Variants in PSMD9 observed in about 807,000 individuals in gnomAD.
The protein encoded by PSMD9 is proteasome 26S subunit, non-ATPase 9, also known as 26S proteasome non-ATPase regulatory subunit 9.
PSMD9 carries 26 observed loss-of-function variants against 25.9 expected under a neutral mutation model. That is an observed-to-expected ratio of 1.00 (90% CI 0.73 to 1.39). The LOEUF (loss-of-function observed/expected upper bound fraction) is 1.39. Ranked by LOEUF, PSMD9 falls within the 40% of genes most tolerant of loss-of-function variation. The pLI, the probability that PSMD9 is intolerant of heterozygous loss-of-function variation, is 0.00. For missense variants in PSMD9, 303 were observed against 299.3 expected (o/e 1.01, Z -0.09); for synonymous variants, 110 against 114.5 (o/e 0.96, Z 0.25).
chr12:121,888,806 T>C lies in PSMD9; in HGVS notation c.-51T>C, dbSNP rs759380363. On this transcript the variant is annotated 5_prime_UTR_variant, in exon 1 of 6. Transcript: ENST00000541212. ...GCCGTAGTTACGGTCGACTGGGGCGTCGTCCCTAGCCCGGGAGCCGGGTCT... is the reference window on the plus strand; with the variant it reads ...GCCGTAGTTACGGTCGACTGGGGCGCCGTCCCTAGCCCGGGAGCCGGGTCT... 1.1e-5 allele frequency: 17 copies of C among 1,567,420 alleles called. No individual in the cohort carries two copies. The highest frequency in any genetic ancestry group is 2.7e-5 in the African/African-American group (2 of 73,964).
intron 4 of PSMD9, among the ~76,000 whole-genome samples, chr12:121,906,961 G>C (rs1345136874): frequency 1.1e-5 from 1 of 87,842 alleles, no homozygotes; most frequent in Non-Finnish European, 2.7e-5. Context: ...GTGAGGCTCT[G>C]TGTCAAAAAA....
At chr12:121,908,199 C>T (rs1412668069) in intron 4 of PSMD9, 2 of 149,788 alleles carry the variant, frequency 1.3e-5, no homozygotes, top group Non-Finnish European at 3.0e-5. Context: ...TTTTTTGAGA[C>T]AGAGTTGTCG....
At chr12:121,893,871 CTA>C (rs1879156941) in intron 1 of PSMD9, 1 of 152,432 alleles carries the variant, frequency 6.6e-6, no homozygotes, top group African/African-American at 2.4e-5. Context: ...CTTCAACCCA[CTA>C]TGCTGTGTAT....
At chr12:121,890,812 A>T (rs1156594295) in intron 1 of PSMD9, among the ~76,000 whole-genome samples, 1 of 152,156 alleles carries the variant, frequency 6.6e-6, no homozygotes, top group East Asian at 1.9e-4. Context: ...ACTCCGCTGC[A>T]TATGGAAAAT....
At chr12:121,911,543 C>T (rs1369493862) in intron 4 of PSMD9, among the ~76,000 whole-genome samples, 3 of 152,126 alleles carry the variant, frequency 2.0e-5, no homozygotes, top group Non-Finnish European at 4.4e-5. Flanking sequence ...GTAGCAATAT[C>T]TGTTCAAATC....
chr12:121,890,875 A>G (rs1273807026), intron 1 of PSMD9, among the ~76,000 whole-genome samples: 1 of 151,934 alleles, frequency 6.6e-6, no homozygotes, highest in African/African-American at 2.4e-5. Context: ...TTGATACGGC[A>G]TGTTGGTTGC....
chr12:121,903,247 T>C, intron 4 of PSMD9, 140 bp downstream of exon 4: 4 of 746,660 alleles, frequency 5.4e-6, no homozygotes, highest in Admixed American at 2.4e-5. Flanking sequence ...ACCAGCCAAT[T>C]TGGTGTCTGG....
chr12:121,895,238 C>T (rs1226600190), intron 2 of PSMD9, among the ~76,000 whole-genome samples: 2 of 152,094 alleles, frequency 1.3e-5, no homozygotes, highest in East Asian at 3.9e-4. Flanking sequence ...ACGAGTCTCA[C>T]TAAGTGGCCC....
At chr12:121,900,388 TC>T (rs1401307275) in intron 3 of PSMD9, among the ~76,000 whole-genome samples, 1 of 152,056 alleles carries the variant, frequency 6.6e-6, no homozygotes, top group African/African-American at 2.4e-5. Context: ...TGAGACCTTG[TC>T]TTAAAAAAAA....
chr12:121,912,335 G>T (rs1404467448), intron 4 of PSMD9, among the ~76,000 whole-genome samples: 1 of 152,024 alleles, frequency 6.6e-6, no homozygotes, highest in Non-Finnish European at 1.5e-5. Flanking sequence ...CCGGCGCTTT[G>T]TTTAGGTTTT....
chr12:121,896,819 A>G (rs1879242598), intron 2 of PSMD9, among the ~76,000 whole-genome samples: 1 of 149,594 alleles, frequency 6.7e-6, no homozygotes, highest in Admixed American at 6.7e-5. Flanking sequence ...CTGGGCAACA[A>G]GAGTGAAACT....
At chr12:121,903,223 T>C (rs1374570602) in intron 4 of PSMD9, 116 bp downstream of exon 4, 1 of 944,718 alleles carries the variant, frequency 1.1e-6, no homozygotes, top group East Asian at 2.7e-5. Context: ...GGCAGGGAAG[T>C]CCAAGATCCA....
chr12:121,889,138 G>A, intron 1 of PSMD9, 144 bp downstream of exon 1: 1 of 1,002,030 alleles, frequency 1.0e-6, no homozygotes. Context: ...GGCCTCTGTC[G>A]GCACAAGAAG....
At chr12:121,893,355 A>T (rs1879142531) in intron 1 of PSMD9, among the ~76,000 whole-genome samples, 2 of 152,136 alleles carry the variant, frequency 1.3e-5, no homozygotes, top group African/African-American at 2.4e-5. Flanking sequence ...AGGGAGCAAA[A>T]TGAATGGAAT....
At chr12:121,890,552 C>T (rs1230390262) in intron 1 of PSMD9, among the ~76,000 whole-genome samples, 2 of 152,086 alleles carry the variant, frequency 1.3e-5, no homozygotes, top group African/African-American at 4.8e-5. Context: ...ACTGCAGCCT[C>T]AATCTCCTGG....
chr12:121,896,972 T>C (rs1879250667), intron 2 of PSMD9, among the ~76,000 whole-genome samples: 1 of 146,400 alleles, frequency 6.8e-6, no homozygotes, highest in South Asian at 2.2e-4. Context: ...TACATGTAAA[T>C]ATATACACAC....
chr12:121,898,176 T>A (rs1323054357), intron 2 of PSMD9: 1 of 152,230 alleles, frequency 6.6e-6, no homozygotes, highest in Non-Finnish European at 1.5e-5. Context: ...AATCCCTTCA[T>A]GACTGAGGGT....
At position 121,916,498 on chromosome 12, in the gene PSMD9, C is replaced by T. The variant is rs2272134; in HGVS notation, c.*187C>T. 8.8e-4 allele frequency: 626 copies of T among 707,994 alleles called. 5 individuals are homozygous for T. In the East Asian group the frequency reaches 0.014, roughly 16 times the overall value. The allele number at this position is 707,994 out of a possible 1,614,324, so 43.9% of individuals were successfully genotyped here. A position where few individuals can be genotyped will look rare whatever the true frequency, so the allele number is the denominator to read the frequency against. On this transcript the variant is annotated 3_prime_UTR_variant, in exon 6 of 6. Transcript: ENST00000541212. ...CCCTGGATTAAGGCATTCTTAAAAA[C>T]TTAGGCTTGGCCTCTTTCACAAATT...
Position 121,915,875 on chromosome 12 carries a change from T to C in PSMD9, c.575T>C (p.Val192Ala). 2 of 1,613,708 alleles carry C rather than the reference T, an allele frequency of 1.2e-6. No homozygotes were observed. Among genetic ancestry groups the C allele is most frequent in the Non-Finnish European group, 1.7e-6 (2 of 1,179,858 alleles). Residue 192 changes from valine to alanine, a missense_variant, in exon 5 of 6, where the codon GTG becomes GCG. Transcript: ENST00000541212. The part of the protein sequence containing the change: ...HSEGKPLNVT[V>A]IRRGEKHQLR... ...TTTCAGAAGCCCCTGAATGTGACAG[T>C]GATCCGCAGGGGGGAAAAACACCAG... is the stretch of plus-strand genomic sequence containing the variant.
Sources: allele counts gnomAD v4.1 joint callset (sites outside exome capture counted in the v4.1 genomes callset), GRCh38; gene constraint gnomAD v4.1.1; transcripts MANE v1.5; gene names NCBI Gene and HGNC (gene_info 2026-07-23, HGNC 2026-07-21).